Variants in MYT1L observed in about 807,000 individuals in gnomAD.
The protein encoded by MYT1L is myelin transcription factor 1-like protein.
A neutral mutation model predicts 126.7 loss-of-function variants in MYT1L; 12 were observed. The observed-to-expected ratio is 0.09, with a 90% confidence interval of 0.06 to 0.15. The LOEUF is 0.15. Among genes scored for constraint, MYT1L ranks in the 10% least tolerant of loss-of-function variants. The probability of loss-of-function intolerance (pLI) is 1.00; values close to 1 mark genes in which losing one functional copy is unlikely to be tolerated. For synonymous variants in MYT1L, 541 were observed against 604.2 expected (o/e 0.90, Z 1.53); for missense variants, 979 against 1,585.2 (o/e 0.62, Z 6.49).
At chr2:2,292,701 T>C (rs907164697) in intron 1 of MYT1L, among the ~76,000 whole-genome samples, 3 of 152,114 alleles carry the variant, frequency 2.0e-5, no homozygotes, top group African/African-American at 7.2e-5. Flanking sequence ...GAGAGCAAAG[T>C]TTGTATTTGT....
intron 1 of MYT1L, among the ~76,000 whole-genome samples, chr2:2,311,478 G>C (rs1400457440): frequency 6.6e-6 from 1 of 152,192 alleles, no homozygotes; most frequent in African/African-American, 2.4e-5. Flanking sequence ...GGGTATATAA[G>C]CTGAGAGCCC....
At chr2:2,102,604 ATGTGTGTGTGTGTG>A (rs3047992) in intron 3 of MYT1L, among the ~76,000 whole-genome samples, 3,999 of 143,114 alleles carry the variant, frequency 0.028, 62 homozygotes, top group Non-Finnish European at 0.037. Flanking sequence ...CCTCTTGGGA[ATGTGTGTGTGTGTG>A]TGTGTGTGTG....
At chr2:1,881,813 G>A (rs2047590018) in intron 18 of MYT1L, among the ~76,000 whole-genome samples, 1 of 152,236 alleles carries the variant, frequency 6.6e-6, no homozygotes, top group Non-Finnish European at 1.5e-5. Flanking sequence ...GTGTATGGCT[G>A]TAGTCATCGC....
intron 1 of MYT1L, among the ~76,000 whole-genome samples, chr2:2,322,945 T>C (rs1286259903): frequency 6.6e-6 from 1 of 152,224 alleles, no homozygotes; most frequent in African/African-American, 2.4e-5. Flanking sequence ...AATTTTTTTC[T>C]TCATTCTAGT....
intron 2 of MYT1L, among the ~76,000 whole-genome samples, chr2:2,257,974 A>G (rs1230257283): frequency 3.8e-5 from 5 of 132,288 alleles, no homozygotes; most frequent in African/African-American, 1.6e-4. Context: ...GAGGCATCAC[A>G]CTACCTGACT....
chr2:2,078,355 T>C (rs565983840), intron 3 of MYT1L, among the ~76,000 whole-genome samples: 1 of 152,226 alleles, frequency 6.6e-6, no homozygotes, highest in East Asian at 1.9e-4. Flanking sequence ...TTACATTAAA[T>C]AGAAATTGAT....
intron 4 of MYT1L, among the ~76,000 whole-genome samples, chr2:2,044,525 C>T (rs916763070): frequency 6.6e-5 from 10 of 152,288 alleles, no homozygotes; most frequent in South Asian, 4.1e-4. Context: ...AACTCTGCAA[C>T]GGGCTTTTGA....
In MYT1L at chr2:2,170,589, A is replaced by G. The variant is rs115666023; in HGVS notation, c.-304+2283T>C. Among the ~76,000 whole-genome samples the G allele has an allele frequency of 6.7e-3, 1,020 of 152,342 alleles. 12 individuals carry two copies. Among genetic ancestry groups the G allele is most frequent in the African/African-American group, 0.023 (962 of 41,566 alleles). ...CCATTTTATAGCTTATTATGTGAAG[A>G]TGTATTTTCATTAACATAGCAATGT... On this transcript the variant is annotated intron_variant, in intron 3 of 24. Coordinates refer to ENST00000647738, the MANE Select transcript of MYT1L (RefSeq NM_001303052.2).
chr2:2,236,894 A>T (rs1486179665), intron 2 of MYT1L, among the ~76,000 whole-genome samples: 1 of 149,534 alleles, frequency 6.7e-6, no homozygotes, highest in Admixed American at 6.7e-5. Flanking sequence ...GCTCACTGTA[A>T]CCTCTGCCTT....
chr2:1,981,001 G>C (rs1226483149), intron 5 of MYT1L, among the ~76,000 whole-genome samples: 1 of 152,098 alleles, frequency 6.6e-6, no homozygotes, highest in Non-Finnish European at 1.5e-5. Flanking sequence ...AGAACATCGG[G>C]ACTGAGTGAA....
At chr2:1,837,017 G>A (rs1468766269) in intron 21 of MYT1L, among the ~76,000 whole-genome samples, 3 of 152,202 alleles carry the variant, frequency 2.0e-5, no homozygotes, top group Non-Finnish European at 4.4e-5. Context: ...AGAAATTTGT[G>A]CCTGGCATTT....
intron 18 of MYT1L, among the ~76,000 whole-genome samples, chr2:1,880,182 C>T (rs910165583): frequency 3.9e-5 from 6 of 152,064 alleles, no homozygotes; most frequent in Non-Finnish European, 5.9e-5. Flanking sequence ...GTCAAGAAGC[C>T]GGTAAATATG....
At chr2:2,068,774 T>TG (rs1558912195) in intron 3 of MYT1L, among the ~76,000 whole-genome samples, 4 of 130,166 alleles carry the variant, frequency 3.1e-5, no homozygotes, top group Non-Finnish European at 4.8e-5. Flanking sequence ...TTCTTGTTTT[T>TG]TTTTTTTTTT....
At chr2:2,099,644 T>C (rs1475067331) in intron 3 of MYT1L, among the ~76,000 whole-genome samples, 1 of 152,230 alleles carries the variant, frequency 6.6e-6, no homozygotes, top group East Asian at 1.9e-4. Flanking sequence ...TCCTTTTTGA[T>C]TCATTTTAAG....
intron 1 of MYT1L, chr2:2,324,950 G>A (rs1333175900): frequency 6.6e-6 from 1 of 152,302 alleles, no homozygotes; most frequent in Non-Finnish European, 1.5e-5. Flanking sequence ...GTGGAGATGT[G>A]TGCAGTATGC....
chr2:1,977,206 G>A (rs1197123641), intron 8 of MYT1L, among the ~76,000 whole-genome samples: 1 of 152,172 alleles, frequency 6.6e-6, no homozygotes, highest in Non-Finnish European at 1.5e-5. Flanking sequence ...CAGCGAATGG[G>A]TTCCTCTGAG....
rs2048262623 is a variant in MYT1L at position 1,887,114 on chromosome 2, T to C, written c.2642+374A>G. 3 of 416,060 alleles carry C rather than the reference T, an allele frequency of 7.2e-6. No homozygotes were observed. The highest frequency in any genetic ancestry group is 2.1e-5 in the African/African-American group (1 of 48,610). The allele number at this position is 416,060 out of a possible 1,614,324, so 25.8% of individuals were successfully genotyped here. On this transcript the variant is annotated intron_variant, in intron 17 of 24. Coordinates refer to ENST00000647738, the MANE Select transcript of MYT1L (RefSeq NM_001303052.2). The surrounding 1 kb of genome is among the most constrained non-coding windows in gnomAD (Gnocchi z 4.8). ...TGACCACTCCCATCACACCCTGGAG[T>C]TGGACATCTGCCACCAAACAAAAAC...
intron 3 of MYT1L, among the ~76,000 whole-genome samples, chr2:2,153,448 A>C (rs1056954015): frequency 1.3e-5 from 2 of 152,172 alleles, no homozygotes; most frequent in Admixed American, 1.3e-4. Context: ...CCCTCTGCAC[A>C]CACACAGGTG....
chr2:2,008,213 G>A (rs1331165340), intron 4 of MYT1L, among the ~76,000 whole-genome samples: 3 of 152,148 alleles, frequency 2.0e-5, no homozygotes, highest in Non-Finnish European at 4.4e-5. Flanking sequence ...CTGCCTAGGC[G>A]CCCCACACTT....
Sources: allele counts gnomAD v4.1 joint callset (sites outside exome capture counted in the v4.1 genomes callset), GRCh38; gene constraint gnomAD v4.1.1; non-coding constraint Gnocchi (gnomAD v3.1); transcripts MANE v1.5; gene names NCBI Gene and HGNC (gene_info 2026-07-23, HGNC 2026-07-21).